FBXO10: variants seen among roughly 807,000 people sequenced by gnomAD.
FBXO10 encodes the protein F-box only protein 10.
Under a neutral mutation model 80.7 loss-of-function variants are expected in FBXO10, and 39 were observed. The ratio of observed to expected loss-of-function variants is 0.48; its 90% CI spans 0.37 to 0.63. FBXO10 has a LOEUF of 0.63. Ranked by LOEUF, FBXO10 falls within the 30% of genes least tolerant of loss-of-function variation. The pLI is 0.00. For synonymous variants in FBXO10, 449 were observed against 489.6 expected (o/e 0.92, Z 1.09); for missense variants, 1,025 against 1,269.0 (o/e 0.81, Z 2.92).
intron 1 of FBXO10, among the ~76,000 whole-genome samples, chr9:37,545,145 C>T (rs908537501): frequency 1.0e-4 from 15 of 143,164 alleles, no homozygotes; most frequent in African/African-American, 3.4e-4. Context: ...TCCTGTTCTT[C>T]GTTTATTTCT....
chr9:37,542,619 G>C (rs995161251), intron 1 of FBXO10, among the ~76,000 whole-genome samples: 2 of 145,650 alleles, frequency 1.4e-5, no homozygotes, highest in Non-Finnish European at 3.0e-5. Context: ...AAAAGGATAC[G>C]ACTCCGGAAC....
At chr9:37,525,601 G>A (rs1371333474) in intron 5 of FBXO10, among the ~76,000 whole-genome samples, 1 of 151,820 alleles carries the variant, frequency 6.6e-6, no homozygotes, top group Non-Finnish European at 1.5e-5. Flanking sequence ...CCATGCTGGA[G>A]TGCAGTGGCA....
intron 1 of FBXO10, among the ~76,000 whole-genome samples, chr9:37,573,931 T>C (rs1822826216): frequency 6.6e-6 from 1 of 152,150 alleles, no homozygotes; most frequent in African/African-American, 2.4e-5. Flanking sequence ...ACAAAACCCA[T>C]GACAGGTAAC....
chr9:37,537,741 G>T lies in FBXO10; in HGVS notation c.788C>A (p.Ser263Tyr). 6.2e-7 allele frequency: 1 copy of T among 1,614,058 alleles called. No homozygotes were observed. Among genetic ancestry groups the T allele is most frequent in the Non-Finnish European group, 8.5e-7 (1 of 1,179,894 alleles). The change falls in exon 3 of 11, where the codon TCT (serine) becomes TAT (tyrosine). Residue 263 changes from serine to tyrosine, a missense_variant. Physicochemically the swap from Ser to Tyr is moderately radical, Grantham distance 144 (BLOSUM62 -2). Coordinates refer to ENST00000432825, the MANE Select transcript of FBXO10 (RefSeq NM_012166.3). The part of the protein sequence containing the change: ...NNSVTVEGHP[S>Y]ADKNWAYKYL... Reference sequence around the variant, plus strand: ...CTTGTAGGCCCAGTTCTTATCTGCAGATGGGTGACCCTCAACAGTCACAGA... The same window carrying T: ...CTTGTAGGCCCAGTTCTTATCTGCATATGGGTGACCCTCAACAGTCACAGA...
rs1285382823 is a variant in FBXO10, at chr9:37,521,617, G to A, written c.2152C>T (p.Pro718Ser). The A allele has an allele frequency of 1.9e-6, 3 of 1,613,906 alleles. No homozygotes were observed. Among genetic ancestry groups the A allele is most frequent in the Non-Finnish European group, 2.5e-6 (3 of 1,179,858 alleles). The stretch of plus-strand genomic sequence containing the variant: ...GACTCAACAAGAGCTATGGTGATGG[G>A]CCGGCGCAGTGGGTCGTCCTCCTTC... ...LEKEDDPLRR[P>S]ITIALVESNS... is the part of the protein sequence containing the mutation. The change falls in exon 8 of 11, where the codon CCC becomes TCC. Residue 718 changes from proline (P) to serine (S), a missense_variant. Pro to Ser is a moderately conservative substitution (Grantham distance 74, BLOSUM62 -1). Around this residue, in one of 3 missense-constraint regions of FBXO10, gnomAD observed 478 missense variants for 667.8 expected, o/e 0.72. Transcript: ENST00000432825.
rs1363527760 is a variant in FBXO10 at position 37,541,208 on chromosome 9, G to A, written c.561C>T (p.Ala187=). The A allele has an allele frequency of 1.9e-6, 3 of 1,608,092 alleles. No homozygotes were observed. Among genetic ancestry groups the A allele is most frequent in the Non-Finnish European group, 2.5e-6 (3 of 1,176,996 alleles). ...CCTTATACATGATGGGTGAGAACCA[G>A]GCTGGCGTGAAGACGAGGTTGCACA... The part of the protein sequence containing the change: ...TRLCNLVFTP[A]WFSPIMYKTT... Residue 187 remains alanine, a synonymous_variant, in exon 2 of 11, where the codon GCC becomes GCT. Coordinates refer to ENST00000432825, the MANE Select transcript of FBXO10 (RefSeq NM_012166.3).
intron 1 of FBXO10, among the ~76,000 whole-genome samples, chr9:37,573,385 G>A (rs1037347910): frequency 6.6e-6 from 1 of 152,170 alleles, no homozygotes; most frequent in Non-Finnish European, 1.5e-5. Context: ...GGCTGAGCAC[G>A]CAAGCATAAA....
chr9:37,529,756 A>T (rs1241861532), intron 4 of FBXO10, among the ~76,000 whole-genome samples: 3 of 151,936 alleles, frequency 2.0e-5, no homozygotes, highest in Non-Finnish European at 4.4e-5. Context: ...CCAGCGGAAG[A>T]TGCAGACACT....
At chr9:37,526,382 G>T (rs1321189888) in intron 5 of FBXO10, among the ~76,000 whole-genome samples, 2 of 152,102 alleles carry the variant, frequency 1.3e-5, no homozygotes, top group Non-Finnish European at 2.9e-5. Context: ...TCATTGCAAA[G>T]AAACAAAGGA....
chr9:37,522,576 G>C, intron 7 of FBXO10: 1 of 1,285,294 alleles, frequency 7.8e-7, no homozygotes, highest in South Asian at 2.0e-5. Flanking sequence ...CACAACTCCT[G>C]TCTTTTGCTA....
At position 37,518,150 on chromosome 9, in the gene FBXO10, T is replaced by TGCAGCCCGCTGCCCCGGTTGCCA; in HGVS notation, c.2466_2488dup (p.Gln830LeufsTer18). 6.2e-7 allele frequency: 1 copy of TGCAGCCCGCTGCCCCGGTTGCCA among 1,613,766 alleles called. No homozygotes were observed. On this transcript the variant is annotated frameshift_variant, in exon 9 of 11. Coordinates refer to ENST00000432825, the MANE Select transcript of FBXO10 (RefSeq NM_012166.3). LOFTEE classifies it high-confidence loss of function. Reference sequence around the variant, plus strand: ...TTTAGTGTCGGACCTGGGCAGCAGCTGCAGCCCGCTGCCCCGGTTGCCAAT... The same window carrying TGCAGCCCGCTGCCCCGGTTGCCA: ...TTTAGTGTCGGACCTGGGCAGCAGCTGCAGCCCGCTGCCCCGGTTGCCAGCAGCCCGCTGCCCCGGTTGCCAAT...
chr9:37,571,594 C>T (rs1237564768), intron 1 of FBXO10, among the ~76,000 whole-genome samples: 1 of 151,620 alleles, frequency 6.6e-6, no homozygotes, highest in Non-Finnish European at 1.5e-5. Flanking sequence ...CAGCTTTCCT[C>T]ATACTCCTCT....
chr9:37,521,284 G>GCGCCTCTCCCTGGCCCC (rs1821338672), intron 8 of FBXO10, among the ~76,000 whole-genome samples: 1 of 150,640 alleles, frequency 6.6e-6, no homozygotes, highest in Non-Finnish European at 1.5e-5. Flanking sequence ...GAAGTGAGGA[G>GCGCCTCTCCCTGGCCCC]CACCTCTCCC....
intron 1 of FBXO10, among the ~76,000 whole-genome samples, chr9:37,566,186 T>C (rs1822600904): frequency 1.3e-5 from 2 of 152,340 alleles, no homozygotes; most frequent in Non-Finnish European, 1.5e-5. Context: ...TGCAGACTAA[T>C]CATGACGGCA....
At chr9:37,564,034 G>A (rs963578438) in intron 1 of FBXO10, among the ~76,000 whole-genome samples, 10 of 152,216 alleles carry the variant, frequency 6.6e-5, no homozygotes, top group African/African-American at 2.4e-4. Flanking sequence ...ATGGGCCTGG[G>A]CCAGGCACAG....
rs1242900357 is a variant in FBXO10, at chr9:37,537,211, C to T, written c.1318G>A (p.Gly440Arg). ...CLIRKCLFRD[G>R]KGGVFVCSHG... Reference sequence around the variant, plus strand: ...GAGCAGACGAAGACGCCTCCCTTCCCGTCCCGGAAGAGGCACTTGCGGATG... The same window carrying T: ...GAGCAGACGAAGACGCCTCCCTTCCTGTCCCGGAAGAGGCACTTGCGGATG... Residue 440 changes from glycine (G) to arginine (R), a missense_variant, in exon 3 of 11, where the codon GGG (glycine) becomes AGG (arginine). Gly to Arg is a moderately radical substitution (Grantham distance 125, BLOSUM62 -2). Transcript: ENST00000432825. 5.0e-6 allele frequency: 8 copies of T among 1,613,938 alleles called. No individual in the cohort carries two copies. The highest frequency in any genetic ancestry group is 2.2e-5 in the South Asian group (2 of 91,090).
chr9:37,572,508 C>T (rs917970557), intron 1 of FBXO10, among the ~76,000 whole-genome samples: 3 of 152,012 alleles, frequency 2.0e-5, no homozygotes, highest in South Asian at 2.1e-4. Context: ...TAAGTGAGGC[C>T]GCCACGTGGA....
chr9:37,519,893 C>G (rs1815759840), intron 8 of FBXO10, among the ~76,000 whole-genome samples: 2 of 138,054 alleles, frequency 1.4e-5, no homozygotes, highest in Non-Finnish European at 3.3e-5. Flanking sequence ...TCATAGCTCA[C>G]TGCAACCTCG....
At chr9:37,518,032 T>C in intron 9 of FBXO10, 93 bp downstream of exon 9, 1 of 1,291,982 alleles carries the variant, frequency 7.7e-7, no homozygotes. Flanking sequence ...TGCTGAGTGA[T>C]TACGGTTCTG....
Sources: allele counts gnomAD v4.1 joint callset (sites outside exome capture counted in the v4.1 genomes callset), GRCh38; gene constraint gnomAD v4.1.1; regional missense constraint gnomAD v4.1.1; transcripts MANE v1.5; gene names NCBI Gene and HGNC (gene_info 2026-07-23, HGNC 2026-07-21).